CNTNAP5: variants seen among roughly 807,000 people sequenced by gnomAD.
CNTNAP5 encodes the protein contactin associated protein family member 5.
Under a neutral mutation model 150.2 loss-of-function variants are expected in CNTNAP5, and 72 were observed. That is an observed-to-expected ratio of 0.48 (90% CI 0.40 to 0.58). CNTNAP5 has a LOEUF of 0.58. CNTNAP5 is among the 20% of genes least tolerant of loss of function. The probability of loss-of-function intolerance (pLI) is 0.00; values close to 1 mark genes in which losing one functional copy is unlikely to be tolerated. For synonymous variants in CNTNAP5, 672 were observed against 619.8 expected (o/e 1.08, Z -1.25); for missense variants, 1,636 against 1,626.2 (o/e 1.01, Z -0.10).
rs147479155 is a variant in CNTNAP5 at position 124,521,388 on chromosome 2, A to C, written c.1328-2915A>C. Among the ~76,000 whole-genome samples the C allele has an allele frequency of 2.0e-5, 3 of 152,320 alleles. No individual in the cohort carries two copies. The East Asian group carries it at 5.8e-4, about 29-fold the overall frequency. On this transcript the variant is annotated intron_variant, in intron 8 of 23. Transcript: ENST00000682447. ...AAAGAAAGGGCAGACCAAAAAATAA[A>C]AAGAAAAAAAGAAAACCACCAACCA...
At chr2:124,838,170 A>G (rs1423895520) in intron 19 of CNTNAP5, among the ~76,000 whole-genome samples, 3 of 152,190 alleles carry the variant, frequency 2.0e-5, no homozygotes, top group Non-Finnish European at 4.4e-5. Context: ...ATTTAGGAAT[A>G]TTATGTGCCA....
At chr2:124,422,154 T>C (rs536723551) in intron 4 of CNTNAP5, among the ~76,000 whole-genome samples, 1 of 152,352 alleles carries the variant, frequency 6.6e-6, no homozygotes, top group South Asian at 2.1e-4. Flanking sequence ...AAGGTTCATC[T>C]GGAATTACTT....
rs904731446 is a variant in CNTNAP5 at position 124,264,409 on chromosome 2, C to G, written c.381+22016C>G. 1.3e-4 allele frequency among the ~76,000 whole-genome samples: 19 copies of G among 151,322 alleles called. No homozygotes were observed. The East Asian group carries it at 3.1e-3, about 25-fold the overall frequency. ...ACACATACACACACACACACACACACACACACACACACACACACACACACC... is the reference window on the plus strand; with the variant it reads ...ACACATACACACACACACACACACAGACACACACACACACACACACACACC... On this transcript the variant is annotated intron_variant, in intron 3 of 23. Transcript: ENST00000682447.
In CNTNAP5 at chr2:124,474,629, A is replaced by T. The variant is rs1693597437; in HGVS notation, c.919-110A>T. ...AGTAGCATCTATAATTATTTGAGCC[A>T]TTTGGCTCAAGCATACAATTGAATC... is the stretch of plus-strand genomic sequence containing the variant. On this transcript the variant is annotated intron_variant, in intron 6 of 23. Coordinates refer to ENST00000682447, the MANE Select transcript of CNTNAP5 (RefSeq NM_001367498.1). 4 of 834,622 alleles carry T rather than the reference A, an allele frequency of 4.8e-6. No individual in the cohort carries two copies. The Admixed American group carries it at 1.4e-4, about 29-fold the overall frequency. The allele number at this position is 834,622 out of a possible 1,614,324, so 51.7% of individuals were successfully genotyped here.
At chr2:124,304,304 G>GA (rs1688629165) in intron 3 of CNTNAP5, among the ~76,000 whole-genome samples, 1 of 152,114 alleles carries the variant, frequency 6.6e-6, no homozygotes, top group South Asian at 2.1e-4. Context: ...TAGGGCTGGG[G>GA]ACCAAGAAAC....
chr2:124,809,010 T>C (rs1196853748), intron 19 of CNTNAP5, among the ~76,000 whole-genome samples: 1 of 150,958 alleles, frequency 6.6e-6, no homozygotes, highest in South Asian at 2.1e-4. Flanking sequence ...GAGATAAGAG[T>C]CCTTGACCAT....
At chr2:124,124,326 A>C (rs146463133) in intron 1 of CNTNAP5, among the ~76,000 whole-genome samples, 12,914 of 152,264 alleles carry the variant, frequency 0.085, 732 homozygotes, top group Non-Finnish European at 0.13. Flanking sequence ...TGGAAGATCA[A>C]ATGAATGAAA....
chr2:124,095,654 T>G (rs993381652), intron 1 of CNTNAP5, among the ~76,000 whole-genome samples: 2 of 152,190 alleles, frequency 1.3e-5, no homozygotes. Context: ...GTACATTGTT[T>G]CTGAAAAAGT....
intron 3 of CNTNAP5, among the ~76,000 whole-genome samples, chr2:124,284,235 C>G (rs1168189373): frequency 1.3e-5 from 2 of 152,070 alleles, no homozygotes; most frequent in Non-Finnish European, 2.9e-5. Flanking sequence ...GTTAATAGTT[C>G]CAAAAGGAGG....
At chr2:124,451,731 G>C (rs941267467) in intron 6 of CNTNAP5, among the ~76,000 whole-genome samples, 1 of 152,134 alleles carries the variant, frequency 6.6e-6, no homozygotes, top group African/African-American at 2.4e-5. Flanking sequence ...ACTGTGGAGG[G>C]AAAGGGAGAT....
chr2:124,697,764 C>A (rs1558739500), intron 13 of CNTNAP5, among the ~76,000 whole-genome samples: 1 of 152,164 alleles, frequency 6.6e-6, no homozygotes, highest in Non-Finnish European at 1.5e-5. Context: ...CTGTTAATAT[C>A]CTTGCACAAT....
chr2:124,453,820 A>G (rs1208845594), intron 6 of CNTNAP5, among the ~76,000 whole-genome samples: 2 of 152,198 alleles, frequency 1.3e-5, no homozygotes, highest in Non-Finnish European at 1.5e-5. Context: ...TCTTTTTCAG[A>G]CAAACAAATG....
chr2:124,419,705 T>C (rs1395170702), intron 4 of CNTNAP5, among the ~76,000 whole-genome samples: 1 of 152,192 alleles, frequency 6.6e-6, no homozygotes, highest in Non-Finnish European at 1.5e-5. Flanking sequence ...GTCTTTATGA[T>C]GTGCCTCAAG....
intron 3 of CNTNAP5, among the ~76,000 whole-genome samples, chr2:124,310,862 G>A (rs548712868): frequency 2.0e-5 from 3 of 152,140 alleles, no homozygotes; most frequent in Admixed American, 2.0e-4. Context: ...GACCCACATA[G>A]GTTTAAGCCC....
chr2:124,529,370 A>C (rs887049357), intron 10 of CNTNAP5, among the ~76,000 whole-genome samples: 18 of 152,194 alleles, frequency 1.2e-4, no homozygotes, highest in African/African-American at 4.3e-4. Flanking sequence ...TGTACTCTGC[A>C]TCATTAGTTT....
intron 21 of CNTNAP5, among the ~76,000 whole-genome samples, chr2:124,901,559 C>A (rs1678413938): frequency 6.6e-6 from 1 of 152,122 alleles, no homozygotes; most frequent in Admixed American, 6.6e-5. Flanking sequence ...ATATAATATT[C>A]CCCAAGAGTG....
intron 6 of CNTNAP5, among the ~76,000 whole-genome samples, chr2:124,458,805 G>T (rs1693181641): frequency 6.6e-6 from 1 of 152,048 alleles, no homozygotes; most frequent in Admixed American, 6.6e-5. Context: ...AAATACAAAT[G>T]ACTTTCATAT....
chr2:124,775,623 G>A (rs1199328631), intron 17 of CNTNAP5, among the ~76,000 whole-genome samples: 1 of 152,142 alleles, frequency 6.6e-6, no homozygotes, highest in Non-Finnish European at 1.5e-5. Flanking sequence ...ATTGGAATGT[G>A]ACAGGTTGAA....
intron 12 of CNTNAP5, among the ~76,000 whole-genome samples, chr2:124,616,296 G>A (rs1677492291): frequency 6.6e-6 from 1 of 152,186 alleles, no homozygotes. Flanking sequence ...ACTTACATCA[G>A]CACTTGCTGC....
Sources: allele counts gnomAD v4.1 joint callset (sites outside exome capture counted in the v4.1 genomes callset), GRCh38; gene constraint gnomAD v4.1.1; transcripts MANE v1.5; gene names NCBI Gene and HGNC (gene_info 2026-07-23, HGNC 2026-07-21).